KLHL32: variants seen among roughly 807,000 people sequenced by gnomAD.
The protein encoded by KLHL32 is kelch like family member 32.
In KLHL32, 35 loss-of-function variants were observed where a neutral mutation model predicts 64.8. The ratio of observed to expected loss-of-function variants is 0.54; its 90% CI spans 0.41 to 0.72. The LOEUF (loss-of-function observed/expected upper bound fraction) is 0.72. KLHL32 is among the 30% of genes least tolerant of loss of function. KLHL32 has a pLI of 0.00. For missense variants in KLHL32, 589 were observed against 768.5 expected (o/e 0.77, Z 2.76); for synonymous variants, 259 against 281.0 (o/e 0.92, Z 0.78).
chr6:97,127,548 TACAC>T, intron 8 of KLHL32, 86 bp downstream of exon 8: 1 of 1,018,232 alleles, frequency 9.8e-7, no homozygotes, highest in Non-Finnish European at 1.5e-6. Context: ...ATGCCAAGTG[TACAC>T]ACACAGATAT....
chr6:96,968,342 G>A (rs1416965416), intron 2 of KLHL32, among the ~76,000 whole-genome samples: 2 of 151,840 alleles, frequency 1.3e-5, no homozygotes, highest in Admixed American at 6.6e-5. Context: ...GCAATGCATA[G>A]GGCAGCCCCC....
chr6:96,943,375 CAAG>C (rs775054568), intron 1 of KLHL32, among the ~76,000 whole-genome samples: 2 of 144,164 alleles, frequency 1.4e-5, no homozygotes, highest in Non-Finnish European at 3.1e-5. Context: ...CTTCTATTTC[CAAG>C]AAGAAGTAAA....
At chr6:96,939,918 A>G (rs890912298) in intron 1 of KLHL32, among the ~76,000 whole-genome samples, 6 of 152,012 alleles carry the variant, frequency 3.9e-5, no homozygotes, top group African/African-American at 1.5e-4. Flanking sequence ...GGGAGGTGGG[A>G]ATAGAGAAGG....
At chr6:97,037,106 T>C (rs1414739750) in intron 3 of KLHL32, among the ~76,000 whole-genome samples, 1 of 152,110 alleles carries the variant, frequency 6.6e-6, no homozygotes, top group Non-Finnish European at 1.5e-5. Context: ...ATATGTTAAA[T>C]ACTCCCAATA....
intron 6 of KLHL32, among the ~76,000 whole-genome samples, chr6:97,090,365 T>C (rs73505025): frequency 0.041 from 6,178 of 152,302 alleles, 424 homozygotes; most frequent in African/African-American, 0.14. Flanking sequence ...TTTTATATCT[T>C]GAGAGACATA....
At chr6:97,124,257 T>C (rs1439425604) in intron 7 of KLHL32, among the ~76,000 whole-genome samples, 1 of 152,226 alleles carries the variant, frequency 6.6e-6, no homozygotes, top group East Asian at 1.9e-4. Context: ...TCCTGTGGTT[T>C]AACATTCTAG....
Position 96,976,015 on chromosome 6 carries a change from A to G in KLHL32, c.42A>G (p.Thr14=). 1.9e-6 allele frequency: 3 copies of G among 1,581,988 alleles called. No individual in the cohort carries two copies. Among genetic ancestry groups the G allele is most frequent in the South Asian group, 2.3e-5 (2 of 88,640 alleles). The change falls in exon 3 of 11, where the codon ACA becomes ACG. Residue 14 remains threonine, a synonymous_variant. Coordinates refer to ENST00000369261, the MANE Select transcript of KLHL32 (RefSeq NM_052904.4). ...TTTGTAGTATTCAAGAAATGCTGAC[A>G]GGCCAGAGGCTCTGCCACTCCGAAT... ...ERCLSIQEML[T]GQRLCHSESH...
At chr6:97,109,079 C>G (rs1200863006) in intron 6 of KLHL32, among the ~76,000 whole-genome samples, 1 of 152,168 alleles carries the variant, frequency 6.6e-6, no homozygotes, top group Non-Finnish European at 1.5e-5. Context: ...GTGGCATATG[C>G]AACAAGGACT....
chr6:96,953,450 C>T (rs1013762100), intron 1 of KLHL32, among the ~76,000 whole-genome samples: 2 of 151,974 alleles, frequency 1.3e-5, no homozygotes, highest in South Asian at 2.1e-4. Context: ...ACCAACATGG[C>T]GAAACCCTGT....
At chr6:97,102,871 C>G (rs568003736) in intron 6 of KLHL32, among the ~76,000 whole-genome samples, 3 of 151,608 alleles carry the variant, frequency 2.0e-5, no homozygotes, top group Admixed American at 2.0e-4. Flanking sequence ...TGGGAGTACA[C>G]GTGAAGGTTT....
intron 3 of KLHL32, among the ~76,000 whole-genome samples, chr6:96,982,176 T>C (rs973445311): frequency 2.6e-5 from 4 of 152,144 alleles, no homozygotes; most frequent in African/African-American, 9.7e-5. Flanking sequence ...TATTATTATG[T>C]GGTTATTTAA....
intron 3 of KLHL32, among the ~76,000 whole-genome samples, chr6:97,038,252 C>T (rs1784583727): frequency 6.7e-6 from 1 of 150,138 alleles, no homozygotes; most frequent in South Asian, 2.1e-4. Flanking sequence ...AGAATGGGGA[C>T]AAATATTTGT....
chr6:97,034,461 T>C (rs974071501), intron 3 of KLHL32, among the ~76,000 whole-genome samples: 3 of 152,164 alleles, frequency 2.0e-5, no homozygotes, highest in South Asian at 2.1e-4. Context: ...CTCCAGCATG[T>C]TCTTTTTGTT....
At position 97,068,009 on chromosome 6, in the gene KLHL32, G is replaced by GAC. The variant is rs60482205; in HGVS notation, c.411+3307_411+3308dup. Among the ~76,000 whole-genome samples, 237 of 150,032 alleles carry GAC rather than the reference G, an allele frequency of 1.6e-3. 2 individuals are homozygous for GAC. The highest frequency in any genetic ancestry group is 4.5e-3 in the African/African-American group (183 of 40,820). ...GTAGGAATGGGGAAAACTTCATACA[G>GAC]ACACACACACACACACACACACACA... On this transcript the variant is annotated intron_variant, in intron 5 of 10. Transcript: ENST00000369261.
chr6:96,959,471 C>T (rs947933660), intron 1 of KLHL32, among the ~76,000 whole-genome samples: 14 of 152,204 alleles, frequency 9.2e-5, no homozygotes, highest in Admixed American at 5.9e-4. Context: ...CTTTGGCTTA[C>T]AGTTGCTGCC....
intron 6 of KLHL32, among the ~76,000 whole-genome samples, chr6:97,098,295 C>A (rs1795259535): frequency 6.6e-6 from 1 of 152,100 alleles, no homozygotes; most frequent in South Asian, 2.1e-4. Flanking sequence ...CCAAGCTATG[C>A]ATAGTGGTCT....
chr6:97,084,858 C>A (rs1793145512), intron 5 of KLHL32, among the ~76,000 whole-genome samples: 1 of 152,106 alleles, frequency 6.6e-6, no homozygotes, highest in African/African-American at 2.4e-5. Context: ...GCCCTTGAAA[C>A]CAGAGACCCC....
In KLHL32 at chr6:97,113,670, A is replaced by C. The variant is rs188908902; in HGVS notation, c.628-113A>C. On this transcript the variant is annotated intron_variant, in intron 6 of 10. Transcript: ENST00000369261. The stretch of plus-strand genomic sequence containing the variant: ...TATTCCAGTTATACTGTTTGTAAGA[A>C]AGTTTGTATTATTACCTGCCTGGAA... 315 of 1,332,250 alleles carry C rather than the reference A, an allele frequency of 2.4e-4. 4 individuals carry two copies. The African/African-American group carries it at 4.0e-3, about 17-fold the overall frequency. 82.5% of individuals were successfully genotyped at this position (1,332,250 alleles called of 1,614,324 possible).
intron 3 of KLHL32, among the ~76,000 whole-genome samples, chr6:96,985,704 C>G (rs1023040719): frequency 6.6e-6 from 1 of 151,824 alleles, no homozygotes; most frequent in African/African-American, 2.4e-5. Flanking sequence ...AGTTCTCGTG[C>G]CTTGGTTTTC....
Sources: gnomAD v4.1 joint callset for allele counts (sites outside exome capture counted in the v4.1 genomes callset) on GRCh38, gnomAD v4.1.1 for gene constraint, MANE v1.5 for transcripts, NCBI Gene and HGNC (gene_info 2026-07-23, HGNC 2026-07-21) for gene names.